Variants in SUGCT observed in about 807,000 individuals in gnomAD.
SUGCT encodes the protein succinyl-CoA:glutarate-CoA transferase, also known as succinyl-CoA:glutarate CoA-transferase.
Under a neutral mutation model 55.0 loss-of-function variants are expected in SUGCT, and 41 were observed. The ratio of observed to expected loss-of-function variants is 0.74; its 90% confidence interval spans 0.58 to 0.97. SUGCT has a LOEUF of 0.97. Ranked by LOEUF, SUGCT falls within the 50% of genes least tolerant of loss-of-function variation. The probability of loss-of-function intolerance (pLI) is 0.00; values close to 1 mark genes in which losing one functional copy is unlikely to be tolerated. For synonymous variants in SUGCT, 187 were observed against 200.4 expected (o/e 0.93, Z 0.56); for missense variants, 568 against 547.8 (o/e 1.04, Z -0.37).
intron 13 of SUGCT, among the ~76,000 whole-genome samples, chr7:40,822,430 T>G (rs1792069957): frequency 6.6e-6 from 1 of 152,178 alleles, no homozygotes; most frequent in South Asian, 2.1e-4. Flanking sequence ...AGGACTTGCT[T>G]TATGAATCTG....
At chr7:40,865,148 C>T (rs1458272534), downstream of SUGCT, among the ~76,000 whole-genome samples, 1 of 151,814 alleles carries the variant, frequency 6.6e-6, no homozygotes, top group Non-Finnish European at 1.5e-5. Context: ...CTTCCAACCC[C>T]CCCTCCTCCT....
intron 12 of SUGCT, among the ~76,000 whole-genome samples, chr7:40,662,370 A>T (rs1168332545): frequency 6.6e-6 from 1 of 152,200 alleles, no homozygotes; most frequent in Non-Finnish European, 1.5e-5. Context: ...TAGAAGTCAG[A>T]CTGCTATTTT....
intron 9 of SUGCT, among the ~76,000 whole-genome samples, chr7:40,438,208 G>A (rs535565707): frequency 1.3e-5 from 2 of 152,166 alleles, no homozygotes; most frequent in African/African-American, 2.4e-5. Flanking sequence ...TCAATTCCCC[G>A]CCTTCACATC....
At chr7:40,215,802 C>T (rs1385031275) in intron 6 of SUGCT, among the ~76,000 whole-genome samples, 1 of 150,990 alleles carries the variant, frequency 6.6e-6, no homozygotes, top group Non-Finnish European at 1.5e-5. Context: ...GCGGAGCTTG[C>T]AGTGAGCCGA....
the SUGCT span, among the ~76,000 whole-genome samples, chr7:40,971,400 G>A: frequency 6.6e-6 from 1 of 152,174 alleles, no homozygotes; most frequent in Non-Finnish European, 1.5e-5. Context: ...AGGATGTGAA[G>A]TGGAGATAGA....
intron 12 of SUGCT, among the ~76,000 whole-genome samples, chr7:40,640,518 T>G (rs923333622): frequency 2.6e-5 from 4 of 152,210 alleles, no homozygotes; most frequent in East Asian, 1.9e-4. Flanking sequence ...TGAGAGGCTA[T>G]CTATAAAAGT....
chr7:40,655,813 A>G (rs1800992977), intron 12 of SUGCT, among the ~76,000 whole-genome samples: 1 of 152,168 alleles, frequency 6.6e-6, no homozygotes, highest in South Asian at 2.1e-4. Context: ...TTTTGGCCAT[A>G]TCCAATGGAG....
At chr7:40,647,588 C>T (rs780102480) in intron 12 of SUGCT, among the ~76,000 whole-genome samples, 2 of 152,064 alleles carry the variant, frequency 1.3e-5, no homozygotes, top group Non-Finnish European at 2.9e-5. Flanking sequence ...CAGTGGCTCA[C>T]GCATGTACTC....
At chr7:40,292,255 A>G (rs1319987077) in intron 8 of SUGCT, among the ~76,000 whole-genome samples, 1 of 152,002 alleles carries the variant, frequency 6.6e-6, no homozygotes, top group Non-Finnish European at 1.5e-5. Context: ...TTTTAGGTGG[A>G]TTTTCATAGG....
the SUGCT span, chr7:40,979,843 A>T: frequency 1.3e-5 from 2 of 152,190 alleles, no homozygotes; most frequent in Non-Finnish European, 1.5e-5. Context: ...TTGCGGGGAA[A>T]AGGGACTGTT....
At chr7:40,592,595 A>C (rs139937794) in intron 12 of SUGCT, among the ~76,000 whole-genome samples, 240 of 152,312 alleles carry the variant, frequency 1.6e-3, no homozygotes, top group African/African-American at 5.4e-3. Flanking sequence ...TATTTGGAGA[A>C]TGTGTAGTAA....
chr7:40,899,395 G>A, the SUGCT span, among the ~76,000 whole-genome samples: 804 of 152,288 alleles, frequency 5.3e-3, 3 homozygotes, highest in Non-Finnish European at 8.8e-3. Flanking sequence ...GTGATGGAAC[G>A]CAGGCTGCGC....
intron 13 of SUGCT, among the ~76,000 whole-genome samples, chr7:40,827,788 A>G (rs932665946): frequency 1.8e-4 from 28 of 152,246 alleles, no homozygotes; most frequent in African/African-American, 6.5e-4. Context: ...AAAAAGCCAC[A>G]AGAACTTAAA....
chr7:40,367,156 A>C (rs899004634), intron 9 of SUGCT, among the ~76,000 whole-genome samples: 1 of 151,638 alleles, frequency 6.6e-6, no homozygotes, highest in Non-Finnish European at 1.5e-5. Flanking sequence ...TCAGTAAACT[A>C]TCGCAAGGAC....
At chr7:40,971,922 T>TA in the SUGCT span, among the ~76,000 whole-genome samples, 200 of 152,284 alleles carry the variant, frequency 1.3e-3, 2 homozygotes, top group East Asian at 0.031. Flanking sequence ...TTTTTTTACA[T>TA]AAAAAATTCA....
chr7:40,681,119 C>T (rs1328943367), intron 12 of SUGCT, among the ~76,000 whole-genome samples: 1 of 152,028 alleles, frequency 6.6e-6, no homozygotes, highest in African/African-American at 2.4e-5. Context: ...CCCTAAAAGC[C>T]GGAATCTCCA....
In SUGCT at chr7:40,738,022, A is replaced by G. The variant is rs1190432231; in HGVS notation, c.1090-11412A>G. 3.3e-5 allele frequency among the ~76,000 whole-genome samples: 5 copies of G among 151,694 alleles called. No homozygotes were observed. In the East Asian group the frequency reaches 9.7e-4, roughly 29 times the overall value. Reference sequence around the variant, plus strand: ...CAAGACCATCCTGGCCAACATGGTAAAACCCCGTTTCTACTAAAAATACAA... The same window carrying G: ...CAAGACCATCCTGGCCAACATGGTAGAACCCCGTTTCTACTAAAAATACAA... On this transcript the variant is annotated intron_variant, in intron 12 of 13. Coordinates refer to ENST00000335693, the MANE Select transcript of SUGCT (RefSeq NM_001193313.2).
At chr7:40,856,404 A>C (rs2128805519) in intron 13 of SUGCT, among the ~76,000 whole-genome samples, 1 of 152,324 alleles carries the variant, frequency 6.6e-6, no homozygotes, top group African/African-American at 2.4e-5. Flanking sequence ...CCAGTGCCCA[A>C]CTTTTGGATA....
intron 6 of SUGCT, among the ~76,000 whole-genome samples, chr7:40,214,340 C>T (rs915252312): frequency 1.3e-5 from 2 of 152,096 alleles, no homozygotes; most frequent in African/African-American, 2.4e-5. Flanking sequence ...AAATGTTAGT[C>T]ACTGTTCATC....
Sources: gnomAD v4.1 joint callset for allele counts (sites outside exome capture counted in the v4.1 genomes callset) on GRCh38, gnomAD v4.1.1 for gene constraint, MANE v1.5 for transcripts, NCBI Gene and HGNC (gene_info 2026-07-23, HGNC 2026-07-21) for gene names.